MAP4K4: variants seen among roughly 807,000 people sequenced by gnomAD.
MAP4K4 encodes HPK/GCK-like kinase HGK.
MAP4K4 carries 38 observed loss-of-function variants against 189.6 expected under a neutral mutation model. The ratio of observed to expected loss-of-function variants is 0.20; its 90% confidence interval spans 0.15 to 0.26. The LOEUF (loss-of-function observed/expected upper bound fraction) is 0.26. MAP4K4 is among the 10% of genes least tolerant of loss of function. The pLI, the probability that MAP4K4 is intolerant of heterozygous loss-of-function variation, is 1.00. For synonymous variants in MAP4K4, 610 were observed against 624.3 expected (o/e 0.98, Z 0.34); for missense variants, 1,054 against 1,726.9 (o/e 0.61, Z 6.91).
intron 3 of MAP4K4, chr2:101,797,085 A>G (rs6715213): frequency 0.012 from 5,960 of 502,370 alleles, 306 homozygotes; most frequent in African/African-American, 0.11. Flanking sequence ...TATTCCAGTG[A>G]TAACACAAGG....
intron 3 of MAP4K4, among the ~76,000 whole-genome samples, chr2:101,812,947 G>A (rs1209440752): frequency 6.6e-6 from 1 of 152,118 alleles, no homozygotes; most frequent in African/African-American, 2.4e-5. Context: ...CTAACACATG[G>A]TGAAACCCCG....
At chr2:101,811,284 T>C (rs1001359450) in intron 3 of MAP4K4, among the ~76,000 whole-genome samples, 1 of 141,610 alleles carries the variant, frequency 7.1e-6, no homozygotes, top group Non-Finnish European at 1.5e-5. Flanking sequence ...GGCAGGAGAA[T>C]CACTTGAGCC....
intron 5 of MAP4K4, among the ~76,000 whole-genome samples, chr2:101,827,887 T>C (rs1358433402): frequency 6.6e-6 from 1 of 152,244 alleles, no homozygotes; most frequent in African/African-American, 2.4e-5. Flanking sequence ...TCAGAAACAC[T>C]GATGCATTTG....
chr2:101,831,140 GACC>G (rs1248899079), intron 6 of MAP4K4, among the ~76,000 whole-genome samples: 1 of 152,118 alleles, frequency 6.6e-6, no homozygotes, highest in Non-Finnish European at 1.5e-5. Context: ...CTTTCCTCTA[GACC>G]ACCACCACCA....
intron 2 of MAP4K4, among the ~76,000 whole-genome samples, chr2:101,743,136 G>GGT (rs887311484): frequency 6.6e-6 from 1 of 152,132 alleles, no homozygotes; most frequent in African/African-American, 2.4e-5. Flanking sequence ...GTGAGCAGAA[G>GGT]GTAGGTTAAC....
intron 2 of MAP4K4, among the ~76,000 whole-genome samples, chr2:101,774,753 A>C (rs2083126827): frequency 6.6e-6 from 1 of 152,312 alleles, no homozygotes. Context: ...ATGTAACCAC[A>C]ATCAGAATGC....
intron 2 of MAP4K4, among the ~76,000 whole-genome samples, chr2:101,765,155 A>T (rs539125926): frequency 3.3e-4 from 50 of 152,162 alleles, no homozygotes; most frequent in Non-Finnish European, 6.2e-4. Flanking sequence ...AGTCAATCCC[A>T]TGGAATCAAA....
In MAP4K4 at chr2:101,737,426, GATATATATATATAT is replaced by G. The variant is rs59942464; in HGVS notation, c.123+38911_123+38924del. 1.1e-3 allele frequency among the ~76,000 whole-genome samples: 32 copies of G among 29,976 alleles called. 1 individual carries two copies. The highest frequency in any genetic ancestry group is 4.7e-3 in the Admixed American group (7 of 1,476). 19.7% of individuals were successfully genotyped at this position (29,976 alleles called of 152,430 possible). On this transcript the variant is annotated intron_variant, in intron 2 of 32. Transcript: ENST00000324219. ...GTCAGTTAGGATTTACCTATTGTGAGATATATATATATATATATATATATATATATATATATTTT... is the reference window on the plus strand; with the variant it reads ...GTCAGTTAGGATTTACCTATTGTGAGATATATATATATATATATATATTTT...
At chr2:101,872,157 A>AT (rs925518664) in intron 24 of MAP4K4, among the ~76,000 whole-genome samples, 704 of 140,650 alleles carry the variant, frequency 5.0e-3, no homozygotes, top group Non-Finnish European at 6.0e-3. Context: ...AACAGAACTG[A>AT]TTTTTTTTTT....
At chr2:101,731,339 A>G (rs933455053) in intron 2 of MAP4K4, among the ~76,000 whole-genome samples, 2 of 151,284 alleles carry the variant, frequency 1.3e-5, no homozygotes, top group African/African-American at 2.4e-5. Context: ...CTGGCCTCGA[A>G]CTCCTGACCT....
At chr2:101,793,567 G>GTT (rs1558952970) in intron 3 of MAP4K4, among the ~76,000 whole-genome samples, 1 of 136,972 alleles carries the variant, frequency 7.3e-6, no homozygotes, top group African/African-American at 3.3e-5. Flanking sequence ...GACTCTTCAT[G>GTT]GTTTTTTTTT....
At chr2:101,773,816 G>C (rs1426574882) in intron 2 of MAP4K4, among the ~76,000 whole-genome samples, 2 of 152,046 alleles carry the variant, frequency 1.3e-5, no homozygotes, top group African/African-American at 4.8e-5. Flanking sequence ...TTAGCTCCTA[G>C]AAGTAAATGA....
intron 3 of MAP4K4, among the ~76,000 whole-genome samples, chr2:101,802,732 CACTA>C (rs1298396332): frequency 4.6e-5 from 7 of 152,086 alleles, no homozygotes; most frequent in Non-Finnish European, 8.8e-5. Flanking sequence ...TCCACCATGC[CACTA>C]ACTGCCTGTC....
chr2:101,701,560 T>A (rs2038778297), intron 2 of MAP4K4, among the ~76,000 whole-genome samples: 1 of 152,170 alleles, frequency 6.6e-6, no homozygotes, highest in Non-Finnish European at 1.5e-5. Flanking sequence ...GGGGATAACT[T>A]CTAATTTTCT....
At chr2:101,842,543 C>T in intron 10 of MAP4K4, 66 bp from the exon 11 acceptor site, 1 of 1,156,110 alleles carries the variant, frequency 8.6e-7, no homozygotes, top group Non-Finnish European at 1.2e-6. Flanking sequence ...CCTGCAGATG[C>T]TTGTCTGAAC....
chr2:101,745,871 C>T (rs7420579), intron 2 of MAP4K4, among the ~76,000 whole-genome samples: 36,853 of 149,582 alleles, frequency 0.25, 5,409 homozygotes, highest in Non-Finnish European at 0.31. Flanking sequence ...AGTGAGTCTG[C>T]TACTGAGCTT....
intron 2 of MAP4K4, among the ~76,000 whole-genome samples, chr2:101,706,285 A>G (rs895536790): frequency 6.6e-6 from 1 of 152,218 alleles, no homozygotes; most frequent in Non-Finnish European, 1.5e-5. Context: ...TTATTGAACT[A>G]GTTAGTTCAA....
At chr2:101,718,888 G>T (rs185945718) in intron 2 of MAP4K4, among the ~76,000 whole-genome samples, 1 of 152,304 alleles carries the variant, frequency 6.6e-6, no homozygotes, top group African/African-American at 2.4e-5. Context: ...GTAGGGCAAA[G>T]AAGTTAGCAT....
intron 3 of MAP4K4, among the ~76,000 whole-genome samples, chr2:101,801,222 G>A (rs756627129): frequency 2.0e-5 from 3 of 152,114 alleles, no homozygotes; most frequent in Non-Finnish European, 2.9e-5. Flanking sequence ...AGAAAAGAAT[G>A]TTGTGTTGGA....
Sources: gnomAD v4.1 joint callset for allele counts (sites outside exome capture counted in the v4.1 genomes callset) on GRCh38, gnomAD v4.1.1 for gene constraint, MANE v1.5 for transcripts, NCBI Gene and HGNC (gene_info 2026-07-23, HGNC 2026-07-21) for gene names.